The following UBASH3A variants were observed in gnomAD, a reference collection of about 807,000 sequenced individuals.
The protein encoded by UBASH3A is ubiquitin-associated and SH3 domain-containing protein A.
UBASH3A carries 63 observed loss-of-function variants against 73.5 expected under a neutral mutation model. The ratio of observed to expected loss-of-function variants is 0.86; its 90% CI spans 0.70 to 1.06. The LOEUF (loss-of-function observed/expected upper bound fraction) is 1.06. Among genes scored for constraint, UBASH3A ranks in the 50% least tolerant of loss-of-function variants. The pLI is 0.00. For missense variants in UBASH3A, 860 were observed against 859.0 expected (o/e 1.00, Z -0.02); for synonymous variants, 363 against 351.1 (o/e 1.03, Z -0.38).
intron 8 of UBASH3A, among the ~76,000 whole-genome samples, chr21:42,427,889 C>T (rs1287873366): frequency 1.3e-5 from 2 of 152,304 alleles, no homozygotes; most frequent in East Asian, 1.9e-4. Context: ...CCCTCTGTTA[C>T]GGATTGAATT....
In UBASH3A at chr21:42,409,481, T is replaced by C. The variant is rs2053046424; in HGVS notation, c.227T>C (p.Leu76Pro). ...LDDPIPQEYA[L>P]FLCPTGPLLE... ...GACCCCATCCCCCAGGAGTATGCCC[T>C]TTTCCTCTGTCCAACGGGGCCCCTG... The change falls in exon 3 of 15, where the codon CTT (leucine) becomes CCT (proline). Residue 76 changes from leucine to proline, a missense_variant. Transcript: ENST00000319294. 6.2e-7 allele frequency: 1 copy of C among 1,613,756 alleles called. No individual in the cohort carries two copies.
chr21:42,428,305 G>A (rs2053474198), intron 8 of UBASH3A, among the ~76,000 whole-genome samples: 1 of 152,170 alleles, frequency 6.6e-6, no homozygotes, highest in African/African-American at 2.4e-5. Flanking sequence ...CCAAAGCTAA[G>A]TGGCCTTGGC....
chr21:42,443,418 A>G lies in UBASH3A; in HGVS notation c.1738A>G (p.Thr580Ala). 6.2e-7 allele frequency: 1 copy of G among 1,601,142 alleles called. No individual in the cohort carries two copies. The highest frequency in any genetic ancestry group is 8.5e-7 in the Non-Finnish European group (1 of 1,173,570). Residue 580 changes from threonine to alanine, a missense_variant and splice_region_variant, in exon 13 of 15, where the codon ACG becomes GCG. Transcript: ENST00000319294. ...VQIVNTCPQDTGVILIVSHGS... is the reference protein window; with the variant it reads ...VQIVNTCPQDAGVILIVSHGS... ...AATCGTCAACACCTGTCCACAGGACAGTAAGTGCCTCACCATCCTCAGTAT... is the reference window on the plus strand; with the variant it reads ...AATCGTCAACACCTGTCCACAGGACGGTAAGTGCCTCACCATCCTCAGTAT...
At chr21:42,418,734 CA>C (rs1482386689) in intron 7 of UBASH3A, 125 bp downstream of exon 7, 1 of 849,672 alleles carries the variant, frequency 1.2e-6, no homozygotes, top group East Asian at 2.7e-5. Flanking sequence ...TGTATGCTGA[CA>C]AAATTATTCC....
At chr21:42,439,698 C>T (rs867681443) in intron 11 of UBASH3A, among the ~76,000 whole-genome samples, 78 of 140,820 alleles carry the variant, frequency 5.5e-4, no homozygotes, top group Non-Finnish European at 8.4e-4. Flanking sequence ...ACACTACACA[C>T]ACCCACACAC....
At chr21:42,441,218 A>T (rs8133569) in intron 11 of UBASH3A, among the ~76,000 whole-genome samples, 8,241 of 152,222 alleles carry the variant, frequency 0.054, 329 homozygotes, top group Middle Eastern at 0.13. Context: ...AAGGTGCTCA[A>T]CTTTGTTTAA....
intron 13 of UBASH3A, 127 bp from the exon 14 acceptor site, chr21:42,444,407 C>G (rs2053810115): frequency 2.7e-6 from 2 of 727,704 alleles, no homozygotes; most frequent in Non-Finnish European, 4.9e-6. Context: ...TACTTCTAGC[C>G]CGGGGGTCTC....
intron 7 of UBASH3A, among the ~76,000 whole-genome samples, chr21:42,420,936 G>A (rs1422707449): frequency 1.3e-5 from 2 of 152,228 alleles, no homozygotes; most frequent in Non-Finnish European, 2.9e-5. Flanking sequence ...GGCTGTGTGT[G>A]ATGCTTAGGA....
chr21:42,410,259 GAGAC>G, intron 3 of UBASH3A: 2 of 682,174 alleles, frequency 2.9e-6, no homozygotes, highest in Admixed American at 4.2e-5. Flanking sequence ...GGAGAAGGGA[GAGAC>G]AGACAGCCAC....
intron 6 of UBASH3A, chr21:42,417,419 C>CAAAAAAAAAAA (rs71190423): frequency 4.0e-5 from 3 of 74,310 alleles, no homozygotes; most frequent in African/African-American, 1.1e-4. Context: ...GCGAGACTGG[C>CAAAAAAAAAAA]AAAAAAAAAA....
chr21:42,405,777 T>C (rs1360605954), intron 1 of UBASH3A, among the ~76,000 whole-genome samples: 3 of 152,166 alleles, frequency 2.0e-5, no homozygotes. Flanking sequence ...CAGGGAGTTC[T>C]TGGTCTAGCA....
intron 2 of UBASH3A, among the ~76,000 whole-genome samples, chr21:42,406,571 A>C (rs2052981557): frequency 6.6e-6 from 1 of 152,202 alleles, no homozygotes; most frequent in Non-Finnish European, 1.5e-5. Flanking sequence ...GGAAAGAGAA[A>C]GAGAGAACTC....
At chr21:42,419,509 C>T (rs149235310) in intron 7 of UBASH3A, among the ~76,000 whole-genome samples, 277 of 152,296 alleles carry the variant, frequency 1.8e-3, no homozygotes, top group Admixed American at 2.8e-3. Context: ...CTCCTTGCTC[C>T]GATTTCCTGG....
chr21:42,428,695 A>C (rs1239319075), intron 8 of UBASH3A, among the ~76,000 whole-genome samples: 1 of 151,992 alleles, frequency 6.6e-6, no homozygotes, highest in Non-Finnish European at 1.5e-5. Flanking sequence ...ACTGTGGAGA[A>C]GTACCCAGGT....
intron 2 of UBASH3A, among the ~76,000 whole-genome samples, chr21:42,408,154 G>A (rs1479813442): frequency 1.3e-5 from 2 of 152,244 alleles, no homozygotes; most frequent in Non-Finnish European, 2.9e-5. Context: ...ATGGAGAGGA[G>A]TGGCAACTTC....
At chr21:42,433,881 C>T (rs1340375322) in intron 9 of UBASH3A, among the ~76,000 whole-genome samples, 1 of 152,144 alleles carries the variant, frequency 6.6e-6, no homozygotes, top group Non-Finnish European at 1.5e-5. Context: ...AGGGGCCTGG[C>T]ATATTCTGGG....
chr21:42,403,950 C>T lies in UBASH3A; in HGVS notation c.5C>T (p.Ala2Val). MAAGETQLYAKV... is the reference protein window; with the variant it reads MVAGETQLYAKV... ...TTGGCCTAAGGGCAGGAAGAGATGG[C>T]AGCGGGGGAGACGCAGCTCTACGCC... Residue 2 changes from alanine (A) to valine (V), a missense_variant, in exon 1 of 15, where the codon GCA becomes GTA. By Grantham distance (64) the Ala-to-Val change is moderately conservative. Coordinates refer to ENST00000319294, the MANE Select transcript of UBASH3A (RefSeq NM_018961.4). The T allele has an allele frequency of 6.6e-7, 1 of 1,505,394 alleles. No homozygotes were observed. Among genetic ancestry groups the T allele is most frequent in the Non-Finnish European group, 8.9e-7 (1 of 1,120,152 alleles). The allele number at this position is 1,505,394 out of a possible 1,614,324, so 93.3% of individuals were successfully genotyped here.
At position 42,409,623 on chromosome 21, in the gene UBASH3A, T is replaced by C. The variant is rs772098422; in HGVS notation, c.354+15T>C. The stretch of plus-strand genomic sequence containing the variant: ...ACTTCTTCACGGTGAGTCAACCCAG[T>C]GTGCCTTCAATGCTCACGGCAGCTG... On this transcript the variant is annotated intron_variant, in intron 3 of 14. Coordinates refer to ENST00000319294, the MANE Select transcript of UBASH3A (RefSeq NM_018961.4). 1 of 1,602,842 alleles carries C rather than the reference T, an allele frequency of 6.2e-7. No homozygotes were observed. Among genetic ancestry groups the C allele is most frequent in the South Asian group, 1.1e-5 (1 of 89,396 alleles).
At chr21:42,414,162 CG>C (rs2053157164) in intron 5 of UBASH3A, among the ~76,000 whole-genome samples, 1 of 152,150 alleles carries the variant, frequency 6.6e-6, no homozygotes, top group Non-Finnish European at 1.5e-5. Context: ...CTGACGAGGC[CG>C]CAGTGCCTTG....
Sources: gnomAD v4.1 joint callset for allele counts (sites outside exome capture counted in the v4.1 genomes callset) on GRCh38, gnomAD v4.1.1 for gene constraint, MANE v1.5 for transcripts, NCBI Gene and HGNC (gene_info 2026-07-23, HGNC 2026-07-21) for gene names.